SGCD: variants seen among roughly 807,000 people sequenced by gnomAD.
The protein encoded by SGCD is sarcoglycan delta, also known as delta-sarcoglycan.
Under a neutral mutation model 36.6 loss-of-function variants are expected in SGCD, and 18 were observed. That is an observed-to-expected ratio of 0.49 (90% CI 0.34 to 0.73). SGCD has a LOEUF of 0.73. Among genes scored for constraint, SGCD ranks in the 30% least tolerant of loss-of-function variants. The pLI, the probability that SGCD is intolerant of heterozygous loss-of-function variation, is 0.01. For missense variants in SGCD, 387 were observed against 346.7 expected (o/e 1.12, Z -0.92); for synonymous variants, 133 against 130.6 (o/e 1.02, Z -0.12).
In SGCD at chr5:156,308,218, A is replaced by G. The variant is rs899688332; in HGVS notation, c.-43-21316A>G. Among the ~76,000 whole-genome samples, 7 of 152,234 alleles carry G rather than the reference A, an allele frequency of 4.6e-5. No homozygotes were observed. The South Asian group carries it at 8.3e-4, about 18-fold the overall frequency. On this transcript the variant is annotated intron_variant, in intron 3 of 9. Transcript: ENST00000517913. The stretch of plus-strand genomic sequence containing the variant: ...ATGGGGAGGTCTCAGAAAACTTACA[A>G]TCGTGGCGGAGGGCAAAGGGAAAGC...
At chr5:156,637,071 G>A (rs917340421) in intron 6 of SGCD, among the ~76,000 whole-genome samples, 1 of 152,098 alleles carries the variant, frequency 6.6e-6, no homozygotes, top group African/African-American at 2.4e-5. Flanking sequence ...GACCCAGGGG[G>A]AGGTAATTGA....
rs1158844774 is a variant in SGCD, at chr5:156,448,731, C to CTTTTT, written c.193-59846_193-59842dup. Among the ~76,000 whole-genome samples, 270 of 76,070 alleles carry CTTTTT rather than the reference C, an allele frequency of 3.5e-3. 3 individuals carry two copies. Among genetic ancestry groups the CTTTTT allele is most frequent in the African/African-American group, 7.0e-3 (114 of 16,402 alleles). 49.9% of individuals were successfully genotyped at this position (76,070 alleles called of 152,430 possible). On this transcript the variant is annotated intron_variant, in intron 3 of 8. Transcript: ENST00000337851. ...GTGGGAGAAGTTTCTTTTTCTTTTT[C>CTTTTT]TTTTTTTTTTTTTTTTTTTTTTTTT...
intron 1 of SGCD, among the ~76,000 whole-genome samples, chr5:155,880,075 G>A (rs944934142): frequency 3.9e-5 from 6 of 152,164 alleles, no homozygotes; most frequent in African/African-American, 7.2e-5. Flanking sequence ...CCACTATGCA[G>A]AATTTAAGAG....
chr5:155,953,443 C>T (rs1757582458), intron 1 of SGCD, among the ~76,000 whole-genome samples: 1 of 152,132 alleles, frequency 6.6e-6, no homozygotes. Flanking sequence ...AGTTGAATAG[C>T]TGCAACAGAA....
intron 3 of SGCD, among the ~76,000 whole-genome samples, chr5:156,461,477 A>G (rs1754486611): frequency 6.6e-6 from 1 of 152,150 alleles, no homozygotes; most frequent in Non-Finnish European, 1.5e-5. Context: ...AAATGAAACA[A>G]TTTTAATTTT....
chr5:155,840,032 T>C, the SGCD span, among the ~76,000 whole-genome samples: 1 of 152,168 alleles, frequency 6.6e-6, no homozygotes, highest in Non-Finnish European at 1.5e-5. Flanking sequence ...GTGCCTGAAT[T>C]GCAATTATTG....
the SGCD span, among the ~76,000 whole-genome samples, chr5:155,787,485 A>G: frequency 5.3e-5 from 8 of 152,162 alleles, no homozygotes; most frequent in Non-Finnish European, 1.2e-4. Context: ...GCAGCATACA[A>G]TTAATTAGCT....
chr5:156,163,316 A>G (rs952557828), intron 3 of SGCD, among the ~76,000 whole-genome samples: 1 of 151,554 alleles, frequency 6.6e-6, no homozygotes, highest in Non-Finnish European at 1.5e-5. Flanking sequence ...GTGAGAGTCA[A>G]GTTTTGAGGA....
At chr5:156,400,216 G>A (rs576219071) in intron 3 of SGCD, among the ~76,000 whole-genome samples, 1 of 152,292 alleles carries the variant, frequency 6.6e-6, no homozygotes, top group East Asian at 1.9e-4. Flanking sequence ...CTTGGTGTGG[G>A]CCTGGGAATT....
chr5:156,200,636 G>T (rs1764124129), intron 3 of SGCD, among the ~76,000 whole-genome samples: 1 of 152,112 alleles, frequency 6.6e-6, no homozygotes, highest in Admixed American at 6.5e-5. Flanking sequence ...CAAAGCACAG[G>T]CAACAAGAGA....
chr5:156,684,675 C>A (rs1753843240), intron 7 of SGCD, among the ~76,000 whole-genome samples: 1 of 152,164 alleles, frequency 6.6e-6, no homozygotes, highest in South Asian at 2.1e-4. Context: ...TGTTTCTTTC[C>A]CCCAGCAGGC....
At chr5:155,889,142 A>G (rs1024126707) in intron 1 of SGCD, among the ~76,000 whole-genome samples, 1 of 152,186 alleles carries the variant, frequency 6.6e-6, no homozygotes, top group Non-Finnish European at 1.5e-5. Context: ...GCATATCTCA[A>G]ACATCTTGTG....
chr5:155,860,020 C>A, the SGCD span, among the ~76,000 whole-genome samples: 1 of 152,184 alleles, frequency 6.6e-6, no homozygotes, highest in South Asian at 2.1e-4. Flanking sequence ...TCTCTAGAGG[C>A]ACAGCCCCTC....
chr5:156,488,520 A>G (rs1755803648), intron 3 of SGCD, among the ~76,000 whole-genome samples: 3 of 152,126 alleles, frequency 2.0e-5, no homozygotes, highest in Admixed American at 1.3e-4. Context: ...TAAGAAAGAA[A>G]AATAAAAAAC....
intron 2 of SGCD, among the ~76,000 whole-genome samples, chr5:156,331,671 A>G (rs970125525): frequency 1.3e-5 from 2 of 152,088 alleles, no homozygotes; most frequent in African/African-American, 4.8e-5. Context: ...ATGCCTGGAA[A>G]CCCTGCTGTT....
intron 6 of SGCD, among the ~76,000 whole-genome samples, chr5:156,634,493 C>G (rs1762750515): frequency 6.6e-6 from 1 of 152,108 alleles, no homozygotes; most frequent in Admixed American, 6.5e-5. Context: ...ACCTCAGTTG[C>G]ATTTTGCTGA....
chr5:155,899,069 T>C (rs1431122454), intron 1 of SGCD, among the ~76,000 whole-genome samples: 1 of 152,152 alleles, frequency 6.6e-6, no homozygotes, highest in Non-Finnish European at 1.5e-5. Context: ...GAAAGCTTAG[T>C]GTGGCCATGG....
chr5:156,580,620 ACTTCT>A (rs1182026287), intron 4 of SGCD, among the ~76,000 whole-genome samples: 1 of 151,444 alleles, frequency 6.6e-6, no homozygotes. Flanking sequence ...TTTTCTCTAA[ACTTCT>A]CTTCTTGCTT....
intron 3 of SGCD, among the ~76,000 whole-genome samples, chr5:156,145,084 C>T (rs1762678876): frequency 6.6e-6 from 1 of 152,148 alleles, no homozygotes; most frequent in South Asian, 2.1e-4. Flanking sequence ...GAATTATAAT[C>T]CCCAGTGTTG....
Sources: allele counts gnomAD v4.1 joint callset (sites outside exome capture counted in the v4.1 genomes callset), GRCh38; gene constraint gnomAD v4.1.1; transcripts MANE v1.5; gene names NCBI Gene and HGNC (gene_info 2026-07-23, HGNC 2026-07-21).